CYP1A1: variants seen among roughly 807,000 people sequenced by gnomAD.
CYP1A1 encodes the protein cytochrome P450 family 1 subfamily A member 1.
CYP1A1 carries 43 observed loss-of-function variants against 33.6 expected under a neutral mutation model. The ratio of observed to expected loss-of-function variants is 1.28; its 90% CI spans 1.00 to 1.65. The LOEUF is 1.65. Among genes scored for constraint, CYP1A1 ranks in the 40% most tolerant of loss-of-function variants. The probability of loss-of-function intolerance (pLI) is 0.00; values close to 1 mark genes in which losing one functional copy is unlikely to be tolerated. For synonymous variants in CYP1A1, 280 were observed against 257.8 expected, an observed-to-expected ratio of 1.09 and a Z score of -0.83; for missense variants, 637 against 653.7, an observed-to-expected ratio of 0.97 and a Z score of 0.28.
In CYP1A1 at chr15:74,722,887, C is replaced by T. The variant is rs952982161; in HGVS notation, c.211G>A (p.Gly71Arg). Residue 71 changes from glycine to arginine, a missense_variant, in exon 2 of 7, where the codon GGG (glycine) becomes AGG (arginine). By Grantham distance (125) the Gly-to-Arg change is moderately radical. Transcript: ENST00000379727. The stretch of plus-strand genomic sequence containing the variant: ...CCAATTCGGATCTGCAGCACGTCCC[C>T]ATACTGCTGGCTCATCCTTGACAGT... ...LALSRMSQQY[G>R]DVLQIRIGST... The T allele has an allele frequency of 1.9e-6, 3 of 1,614,188 alleles. No individual in the cohort carries two copies. Among genetic ancestry groups the T allele is most frequent in the Non-Finnish European group, 2.5e-6 (3 of 1,180,034 alleles).
At position 74,721,293 on chromosome 15, in the gene CYP1A1, G is replaced by C; in HGVS notation, c.1072C>G (p.Arg358Gly). The C allele has an allele frequency of 1.9e-6, 3 of 1,613,526 alleles. No individual in the cohort carries two copies. The highest frequency in any genetic ancestry group is 2.5e-6 in the Non-Finnish European group (3 of 1,179,764). ...DTVIGRSRRPRLSDRSHLPYM... is the reference protein window; with the variant it reads ...DTVIGRSRRPGLSDRSHLPYM... ...GGCAGATGGGATCTGTCAGAGAGCC[G>C]GGGCCGCCGTGACCTGCCAATCACT... The change falls in exon 5 of 7, where the codon CGG (arginine) becomes GGG (glycine). Residue 358 changes from arginine to glycine, a missense_variant. Arg to Gly is a moderately radical substitution (Grantham distance 125). Coordinates refer to ENST00000379727, the MANE Select transcript of CYP1A1 (RefSeq NM_001319217.2).
intron 1 of CYP1A1, among the ~76,000 whole-genome samples, chr15:74,724,229 C>A (rs892618808): frequency 2.6e-5 from 4 of 152,130 alleles, no homozygotes; most frequent in Non-Finnish European, 4.4e-5. Flanking sequence ...AGACTGGAAT[C>A]AGGGAAATCA....
Position 74,722,464 on chromosome 15 carries a change from G to C in CYP1A1, c.634C>G (p.Gln212Glu). 1 of 1,614,132 alleles carries C rather than the reference G, an allele frequency of 6.2e-7. No individual in the cohort carries two copies. Among genetic ancestry groups the C allele is most frequent in the Non-Finnish European group, 8.5e-7 (1 of 1,180,018 alleles). The change falls in exon 2 of 7, where the codon CAA (glutamine) becomes GAA (glutamate). Residue 212 changes from glutamine (Q) to glutamate (E), a missense_variant. Coordinates refer to ENST00000379727, the MANE Select transcript of CYP1A1 (RefSeq NM_001319217.2). Reference protein sequence around the residue: ...CFGRRYDHNHQELLSLVNLNN... With the variant: ...CFGRRYDHNHEELLSLVNLNN... Reference sequence around the variant, plus strand: ...AGGTTGACTAGGCTAAGCAGTTCTTGGTGGTTGTGGTCATAGCGCCGGCCA... The same window carrying C: ...AGGTTGACTAGGCTAAGCAGTTCTTCGTGGTTGTGGTCATAGCGCCGGCCA...
rs761719283 is a variant in CYP1A1, at chr15:74,722,949, C to T, written c.149G>A (p.Gly50Glu). Residue 50 changes from glycine (G) to glutamate (E), a missense_variant, in exon 2 of 7, where the codon GGG becomes GAG. Physicochemically the swap from Gly to Glu is moderately conservative, Grantham distance 98. Coordinates refer to ENST00000379727, the MANE Select transcript of CYP1A1 (RefSeq NM_001319217.2). ...GTTCTTTCCCAGGGTCAGCATGTGCCCAATCAGAGGCCAGCCCCATGGCCC... is the reference window on the plus strand; with the variant it reads ...GTTCTTTCCCAGGGTCAGCATGTGCTCAATCAGAGGCCAGCCCCATGGCCC... ...PPGPWGWPLI[G>E]HMLTLGKNPH... The T allele has an allele frequency of 1.7e-5, 28 of 1,614,136 alleles. No homozygotes were observed. In the South Asian group the frequency reaches 2.9e-4, roughly 16 times the overall value.
Position 74,720,689 on chromosome 15 carries a change from C to T in CYP1A1, c.1339G>A (p.Val447Met), listed in dbSNP as rs754884581. The T allele has an allele frequency of 6.2e-7, 1 of 1,614,070 alleles. No homozygotes were observed. The highest frequency in any genetic ancestry group is 8.5e-7 in the Non-Finnish European group (1 of 1,180,042). ...GAIDKVLSEK[V>M]IIFGMGKRKC... is the part of the protein sequence containing the mutation. ...CGCTTGCCCATGCCAAAGATAATCA[C>T]CTTCTCACTTAACACCTTGTCGATA... The change falls in exon 7 of 7, where the codon GTG becomes ATG. Residue 447 changes from valine to methionine, a missense_variant. By Grantham distance (21) the Val-to-Met change is conservative. Coordinates refer to ENST00000379727, the MANE Select transcript of CYP1A1 (RefSeq NM_001319217.2).
At chr15:74,721,139 T>G in intron 5 of CYP1A1, 60 bp downstream of exon 5, 1 of 1,608,584 alleles carries the variant, frequency 6.2e-7, no homozygotes, top group South Asian at 1.1e-5. Context: ...CTAACCCTAA[T>G]CAGGTATGTG....
rs2063164474 is a variant in CYP1A1, at chr15:74,720,996, A to T, written c.1224T>A (p.Phe408Leu). The T allele has an allele frequency of 6.2e-7, 1 of 1,614,212 alleles. No homozygotes were observed. The highest frequency in any genetic ancestry group is 8.5e-7 in the Non-Finnish European group (1 of 1,180,030). The change falls in exon 6 of 7, where the codon TTT (phenylalanine) becomes TTA (leucine). Residue 408 changes from phenylalanine (F) to leucine (L), a missense_variant. Physicochemically the swap from Phe to Leu is conservative, Grantham distance 22 (BLOSUM62 0). Transcript: ENST00000379727. ...GFYIPKGRCV[F>L]VNQWQINHDQ... ...CATGGTTGATCTGCCACTGGTTTACAAAGACACAACGCCCCTTGGGGATGT... is the reference window on the plus strand; with the variant it reads ...CATGGTTGATCTGCCACTGGTTTACTAAGACACAACGCCCCTTGGGGATGT...
intron 2 of CYP1A1, 140 bp from the exon 3 acceptor site, chr15:74,721,857 C>T (rs912665919): frequency 9.1e-7 from 1 of 1,097,392 alleles, no homozygotes; most frequent in Non-Finnish European, 1.3e-6. Flanking sequence ...CTTCTCTCTG[C>T]CTCTGCAAGG....
At chr15:74,721,354 G>A in intron 4 of CYP1A1, 32 bp from the exon 5 acceptor site, 1 of 1,613,906 alleles carries the variant, frequency 6.2e-7, no homozygotes, top group East Asian at 2.2e-5. Context: ...TGGATGCAGG[G>A]GCTGCCTAGA....
At position 74,720,869 on chromosome 15, in the gene CYP1A1, C is replaced by G. The variant is rs1202063690; in HGVS notation, c.1254-95G>C. Reference sequence around the variant, plus strand: ...CCCCAAAGGATAGAGGACAGGCAAGCAGCCCATGGACAGGAGGATCAATGC... The same window carrying G: ...CCCCAAAGGATAGAGGACAGGCAAGGAGCCCATGGACAGGAGGATCAATGC... On this transcript the variant is annotated intron_variant, in intron 6 of 6. Transcript: ENST00000379727. 2.6e-6 allele frequency: 4 copies of G among 1,562,526 alleles called. No individual in the cohort carries two copies. In the East Asian group the frequency reaches 9.0e-5, roughly 35 times the overall value.
At position 74,720,656 on chromosome 15, in the gene CYP1A1, TA is replaced by T. The variant is rs561096394; in HGVS notation, c.1371del (p.Cys457Ter). 2,166 of 1,614,164 alleles carry T rather than the reference TA, an allele frequency of 1.3e-3. 5 individuals are homozygous for T. Among genetic ancestry groups the T allele is most frequent in the Non-Finnish European group, 1.7e-3 (2,054 of 1,180,010 alleles). On this transcript the variant is annotated frameshift_variant, in exon 7 of 7. Coordinates refer to ENST00000379727, the MANE Select transcript of CYP1A1 (RefSeq NM_001319217.2). LOFTEE classifies it high-confidence loss of function. ...VIIFGMGKRK[C>X]IGETIARWEV... Reference sequence around the variant, plus strand: ...TCCCAGCGGGCAATGGTCTCACCGATACACTTCCGCTTGCCCATGCCAAAGA... The same window carrying T: ...TCCCAGCGGGCAATGGTCTCACCGATCACTTCCGCTTGCCCATGCCAAAGA...
At chr15:74,725,055 C>T (rs1256733285) in intron 1 of CYP1A1, 1 of 152,346 alleles carries the variant, frequency 6.6e-6, no homozygotes, top group Non-Finnish European at 1.5e-5. Flanking sequence ...ACCCTGTCCA[C>T]CCAAGGAGAA....
In CYP1A1 at chr15:74,721,319, G is replaced by T. The variant is rs746759986; in HGVS notation, c.1046C>A (p.Thr349Lys). 9 of 1,613,688 alleles carry T rather than the reference G, an allele frequency of 5.6e-6. No individual in the cohort carries two copies. The highest frequency in any genetic ancestry group is 7.6e-6 in the Non-Finnish European group (9 of 1,179,844). The change falls in exon 5 of 7, where the codon ACA becomes AAA. Residue 349 changes from threonine (T) to lysine (K), a missense_variant. Coordinates refer to ENST00000379727, the MANE Select transcript of CYP1A1 (RefSeq NM_001319217.2). ...GGGCCGCCGTGACCTGCCAATCACT[G>T]TGTCTGCAGAACACAGGGACAAGAT... ...VQRKIQEELDTVIGRSRRPRL... is the reference protein window; with the variant it reads ...VQRKIQEELDKVIGRSRRPRL...
In CYP1A1 at chr15:74,722,918, G is replaced by C; in HGVS notation, c.180C>G (p.His60Gln). 6.2e-7 allele frequency: 1 copy of C among 1,614,188 alleles called. No homozygotes were observed. Among genetic ancestry groups the C allele is most frequent in the East Asian group, 2.2e-5 (1 of 44,872 alleles). Reference protein sequence around the residue: ...GHMLTLGKNPHLALSRMSQQY... With the variant: ...GHMLTLGKNPQLALSRMSQQY... ...GCTGGCTCATCCTTGACAGTGCCAG[G>C]TGCGGGTTCTTTCCCAGGGTCAGCA... The change falls in exon 2 of 7, where the codon CAC (histidine) becomes CAG (glutamine). Residue 60 changes from histidine to glutamine, a missense_variant. Coordinates refer to ENST00000379727, the MANE Select transcript of CYP1A1 (RefSeq NM_001319217.2).
Position 74,720,201 on chromosome 15 carries a change from A to T in CYP1A1, c.*288T>A, listed in dbSNP as rs995137295. The stretch of plus-strand genomic sequence containing the variant: ...TTCAGAGCTTCTCAGAGGCCTAAGG[A>T]CCTCCTAACCCTAGCAGGCCTCCTG... On this transcript the variant is annotated 3_prime_UTR_variant, in exon 7 of 7. Transcript: ENST00000379727. 6.1e-5 allele frequency: 19 copies of T among 311,208 alleles called. No individual in the cohort carries two copies. Among genetic ancestry groups the T allele is most frequent in the Non-Finnish European group, 7.0e-5 (12 of 172,014 alleles). The allele number at this position is 311,208 out of a possible 1,614,324, so 19.3% of individuals were successfully genotyped here. A position where few individuals can be genotyped will look rare whatever the true frequency, so the allele number is the denominator to read the frequency against.
intron 6 of CYP1A1, 52 bp downstream of exon 6, chr15:74,720,915 A>G (rs2063163581): frequency 1.3e-6 from 2 of 1,587,964 alleles, no homozygotes; most frequent in African/African-American, 1.3e-5. Context: ...TTAATCATAT[A>G]TAAGAGCTTA....
rs150514993 is a variant in CYP1A1 at position 74,722,305 on chromosome 15, T to C, written c.793A>G (p.Met265Val). 37 of 1,613,304 alleles carry C rather than the reference T, an allele frequency of 2.3e-5. No individual in the cohort carries two copies. The African/African-American group carries it at 4.7e-4, about 20-fold the overall frequency. Residue 265 changes from methionine to valine, a missense_variant, in exon 2 of 7, where the codon ATG becomes GTG. Transcript: ENST00000379727. ...NEKFYSFMQKMVKEHYKTFEK... is the reference protein window; with the variant it reads ...NEKFYSFMQKVVKEHYKTFEK... ...AAGGTTTTGTAGTGCTCCTTGACCA[T>C]CTTCTGCATGAAGCTGTAGAACTTC...
rs139496485 is a variant in CYP1A1, at chr15:74,722,306, C to G, written c.792G>C (p.Lys264Asn). ...AGGTTTTGTAGTGCTCCTTGACCAT[C>G]TTCTGCATGAAGCTGTAGAACTTCT... ...LNEKFYSFMQKMVKEHYKTFE... is the reference protein window; with the variant it reads ...LNEKFYSFMQNMVKEHYKTFE... Residue 264 changes from lysine to asparagine, a missense_variant, in exon 2 of 7, where the codon AAG becomes AAC. Coordinates refer to ENST00000379727, the MANE Select transcript of CYP1A1 (RefSeq NM_001319217.2). 5.0e-6 allele frequency: 8 copies of G among 1,613,440 alleles called. No individual in the cohort carries two copies. The African/African-American group carries it at 8.0e-5, about 16-fold the overall frequency.
intron 1 of CYP1A1, 139 bp from the exon 2 acceptor site, chr15:74,723,265 G>T: frequency 1.8e-6 from 1 of 566,482 alleles, no homozygotes; most frequent in Non-Finnish European, 3.1e-6. Flanking sequence ...GTGAGGTGGG[G>T]AGAAGTTGTT....
Sources: allele counts gnomAD v4.1 joint callset (sites outside exome capture counted in the v4.1 genomes callset), GRCh38; gene constraint gnomAD v4.1.1; transcripts MANE v1.5; gene names NCBI Gene and HGNC (gene_info 2026-07-23, HGNC 2026-07-21).